Variants in CSMD1 observed in about 807,000 individuals in gnomAD.
CSMD1 encodes CUB and sushi domain-containing protein 1.
Under a neutral mutation model 417.5 loss-of-function variants are expected in CSMD1, and 213 were observed. That is an observed-to-expected ratio of 0.51 (90% CI 0.46 to 0.57). CSMD1 has a LOEUF of 0.57. Ranked by LOEUF, CSMD1 falls within the 20% of genes least tolerant of loss-of-function variation. The probability of loss-of-function intolerance (pLI) is 0.00; values close to 1 mark genes in which losing one functional copy is unlikely to be tolerated. For synonymous variants in CSMD1, 2,862 were observed against 1,736.8 expected, an observed-to-expected ratio of 1.65 and a Z score of -16.11; for missense variants, 6,923 against 4,529.7, an observed-to-expected ratio of 1.53 and a Z score of -15.17.
At position 4,994,411 on chromosome 8, in the gene CSMD1, A is replaced by C. The variant is rs573567593; in HGVS notation, c.6T>G (p.Thr2=). The stretch of plus-strand genomic sequence containing the variant: ...GCAGCGACTGGAATCTCCTCCACGC[A>C]GTCATGTCTGCAGATACTCCACACG... M[T]AWRRFQSLLL... Residue 2 remains threonine (T), a synonymous_variant, in exon 1 of 70, where the codon ACT becomes ACG. Transcript: ENST00000635120. The C allele has an allele frequency of 1.9e-6, 3 of 1,611,948 alleles. No homozygotes were observed. The highest frequency in any genetic ancestry group is 2.2e-5 in the South Asian group (2 of 91,064).
At chr8:3,998,700 G>C (rs1052707436) in intron 4 of CSMD1, among the ~76,000 whole-genome samples, 1 of 152,038 alleles carries the variant, frequency 6.6e-6, no homozygotes, top group East Asian at 1.9e-4. Context: ...AAAGTGATAA[G>C]TGAAAGGCCA....
At chr8:4,616,461 T>G (rs544164596) in intron 2 of CSMD1, among the ~76,000 whole-genome samples, 1 of 152,302 alleles carries the variant, frequency 6.6e-6, no homozygotes, top group East Asian at 1.9e-4. Context: ...AACTAACTAT[T>G]TAAAGCTGGT....
chr8:4,033,365 C>T (rs943805939), intron 3 of CSMD1, among the ~76,000 whole-genome samples: 56 of 152,172 alleles, frequency 3.7e-4, no homozygotes, highest in African/African-American at 1.3e-3. Context: ...TGGCGTGAAC[C>T]CGGGAGGCGG....
intron 4 of CSMD1, among the ~76,000 whole-genome samples, chr8:4,005,971 A>C (rs889249319): frequency 6.6e-6 from 1 of 152,166 alleles, no homozygotes. Flanking sequence ...ACATACGAAA[A>C]CTAATTCTCT....
intron 5 of CSMD1, among the ~76,000 whole-genome samples, chr8:3,934,981 T>G (rs958510759): frequency 4.6e-5 from 7 of 152,330 alleles, no homozygotes; most frequent in Middle Eastern, 3.4e-3. Flanking sequence ...CACCCAGATC[T>G]AAACTCTGTA....
At chr8:3,449,433 A>G (rs1264299102) in intron 12 of CSMD1, among the ~76,000 whole-genome samples, 6 of 151,956 alleles carry the variant, frequency 3.9e-5, no homozygotes, top group East Asian at 1.9e-4. Flanking sequence ...ATGCCTAAGG[A>G]TGTCCTGGAC....
At chr8:4,131,521 T>C (rs191412440) in intron 3 of CSMD1, among the ~76,000 whole-genome samples, 1 of 152,260 alleles carries the variant, frequency 6.6e-6, no homozygotes, top group East Asian at 1.9e-4. Context: ...AACATTATGT[T>C]TAATATCAAC....
At chr8:4,090,257 T>C (rs1339836240) in intron 3 of CSMD1, among the ~76,000 whole-genome samples, 1 of 152,202 alleles carries the variant, frequency 6.6e-6, no homozygotes, top group Admixed American at 6.5e-5. Flanking sequence ...GTAAGCCCTG[T>C]TGTCAAAGAG....
At chr8:4,330,193 C>T (rs1473931453) in intron 3 of CSMD1, among the ~76,000 whole-genome samples, 4 of 124,170 alleles carry the variant, frequency 3.2e-5, no homozygotes, top group Admixed American at 8.8e-5. Context: ...TTATGAAATC[C>T]ACAATTTCTC....
intron 1 of CSMD1, among the ~76,000 whole-genome samples, chr8:4,665,536 C>T (rs1310909758): frequency 4.6e-5 from 7 of 152,170 alleles, no homozygotes; most frequent in Non-Finnish European, 5.9e-5. Flanking sequence ...CAGAGGGTGG[C>T]AGCTGGTTAT....
chr8:4,396,351 C>T (rs1342457143), intron 3 of CSMD1, among the ~76,000 whole-genome samples: 1 of 151,668 alleles, frequency 6.6e-6, no homozygotes, highest in African/African-American at 2.4e-5. Context: ...CCTGTACTCC[C>T]AGCTACTCAG....
chr8:3,662,376 C>T (rs1468879766), intron 7 of CSMD1, among the ~76,000 whole-genome samples: 1 of 152,210 alleles, frequency 6.6e-6, no homozygotes, highest in Non-Finnish European at 1.5e-5. Context: ...CTTTCCATCT[C>T]TCCCTAACTT....
intron 3 of CSMD1, among the ~76,000 whole-genome samples, chr8:4,045,430 G>A (rs1250990815): frequency 2.0e-5 from 3 of 152,204 alleles, no homozygotes; most frequent in South Asian, 2.1e-4. Flanking sequence ...CACAGCAGTA[G>A]AAATGACTGC....
At chr8:3,988,453 C>T (rs1031459959) in intron 5 of CSMD1, among the ~76,000 whole-genome samples, 2 of 152,038 alleles carry the variant, frequency 1.3e-5, no homozygotes, top group Non-Finnish European at 2.9e-5. Flanking sequence ...TCACAAACAC[C>T]CTAACCTCTC....
chr8:3,454,518 A>T (rs1017518578), intron 12 of CSMD1, among the ~76,000 whole-genome samples: 1 of 152,144 alleles, frequency 6.6e-6, no homozygotes, highest in Non-Finnish European at 1.5e-5. Context: ...GTGGTGACAG[A>T]ATCTCTCAGC....
At chr8:4,905,045 C>G (rs571399939) in intron 1 of CSMD1, among the ~76,000 whole-genome samples, 74 of 152,256 alleles carry the variant, frequency 4.9e-4, no homozygotes, top group South Asian at 1.5e-3. Flanking sequence ...TAGCTGGGAC[C>G]TTCTGAAGCT....
chr8:4,133,129 G>C (rs181692419), intron 3 of CSMD1, among the ~76,000 whole-genome samples: 65 of 152,104 alleles, frequency 4.3e-4, no homozygotes, highest in African/African-American at 1.5e-3. Context: ...GTAGAGAAGG[G>C]GTTTCACCAT....
chr8:4,495,083 A>T (rs1039341838), intron 2 of CSMD1, among the ~76,000 whole-genome samples: 3 of 152,180 alleles, frequency 2.0e-5, no homozygotes, highest in African/African-American at 7.2e-5. Context: ...AAGAAACCAG[A>T]TTCACTATTC....
intron 5 of CSMD1, among the ~76,000 whole-genome samples, chr8:3,877,754 T>G (rs1464125084): frequency 6.6e-6 from 1 of 152,228 alleles, no homozygotes; most frequent in Non-Finnish European, 1.5e-5. Context: ...TAATTCACTT[T>G]GATATGTAAA....
Sources: gnomAD v4.1 joint callset for allele counts (sites outside exome capture counted in the v4.1 genomes callset) on GRCh38, gnomAD v4.1.1 for gene constraint, MANE v1.5 for transcripts, NCBI Gene and HGNC (gene_info 2026-07-23, HGNC 2026-07-21) for gene names.